PHTF2: variants seen among roughly 807,000 people sequenced by gnomAD.
PHTF2 encodes protein PHTF2.
In PHTF2, 60 loss-of-function variants were observed where a neutral mutation model predicts 101.2. That is an observed-to-expected ratio of 0.59 (90% CI 0.48 to 0.73). The LOEUF (loss-of-function observed/expected upper bound fraction) is 0.73. Ranked by LOEUF, PHTF2 falls within the 30% of genes least tolerant of loss-of-function variation. PHTF2 has a pLI of 0.00. For missense variants in PHTF2, 747 were observed against 908.7 expected (o/e 0.82, Z 2.29); for synonymous variants, 311 against 307.3 (o/e 1.01, Z -0.13).
chr7:77,849,694 T>C (rs908464208), intron 2 of PHTF2, among the ~76,000 whole-genome samples: 1 of 152,214 alleles, frequency 6.6e-6, no homozygotes, highest in African/African-American at 2.4e-5. Flanking sequence ...CATCAGTGTT[T>C]TGTAGTTTTC....
At chr7:77,932,553 A>T (rs1303176690) in intron 12 of PHTF2, among the ~76,000 whole-genome samples, 2 of 150,106 alleles carry the variant, frequency 1.3e-5, no homozygotes, top group Non-Finnish European at 3.0e-5. Context: ...AGAATGGAGA[A>T]AGGGGACAGA....
chr7:77,887,071 G>A (rs900285077), intron 3 of PHTF2, among the ~76,000 whole-genome samples: 1 of 150,758 alleles, frequency 6.6e-6, no homozygotes, highest in African/African-American at 2.4e-5. Flanking sequence ...AAGTGATACA[G>A]TAACAATGAA....
rs180735127 is a variant in PHTF2, at chr7:77,905,131, C to T, written c.445+3211C>T. The stretch of plus-strand genomic sequence containing the variant: ...CTGGTCTAAACCAAGGGATAGGGAG[C>T]GGAGACTGTGTCTTGTCTTTTTTTC... On this transcript the variant is annotated intron_variant, in intron 7 of 19. Coordinates refer to ENST00000416283, the Ensembl canonical transcript of PHTF2. Among the ~76,000 whole-genome samples, 258 of 152,256 alleles carry T rather than the reference C, an allele frequency of 1.7e-3. 2 individuals carry two copies. Among genetic ancestry groups the T allele is most frequent in the African/African-American group, 5.8e-3 (239 of 41,560 alleles).
At position 77,854,708 on chromosome 7, in the gene PHTF2, T is replaced by C. The variant is rs368355451; in HGVS notation, c.46-25T>C. ...AGCCACAAGACAAAGTTTTTTGCAC[T>C]CTTCTTTCTCCTTTGCTCATGTAGG... is the stretch of plus-strand genomic sequence containing the variant. On this transcript the variant is annotated intron_variant, in intron 2 of 19. Transcript: ENST00000416283. 7.5e-5 allele frequency: 53 copies of C among 703,802 alleles called. No homozygotes were observed. The African/African-American group carries it at 8.7e-4, about 12-fold the overall frequency. The allele number at this position is 703,802 out of a possible 1,614,324, so 43.6% of individuals were successfully genotyped here.
intron 16 of PHTF2, among the ~76,000 whole-genome samples, chr7:77,945,575 T>C (rs551084044): frequency 7.4e-4 from 113 of 152,288 alleles, no homozygotes; most frequent in African/African-American, 2.6e-3. Context: ...AAAAAAATCT[T>C]ATATATTTGG....
chr7:77,937,893 A>G (rs1805287931), intron 13 of PHTF2, 55 bp downstream of exon 12: 3 of 886,712 alleles, frequency 3.4e-6, no homozygotes, highest in Non-Finnish European at 4.8e-6. Flanking sequence ...GTAATTATAT[A>G]TAAGATAATT....
intron 5 of PHTF2, among the ~76,000 whole-genome samples, chr7:77,898,593 G>A (rs1801088328): frequency 6.6e-6 from 1 of 152,102 alleles, no homozygotes; most frequent in Non-Finnish European, 1.5e-5. Flanking sequence ...CTCATTATTT[G>A]GGGTAGCTAT....
At chr7:77,861,870 C>T (rs758522135) in intron 3 of PHTF2, among the ~76,000 whole-genome samples, 1 of 152,128 alleles carries the variant, frequency 6.6e-6, no homozygotes, top group Non-Finnish European at 1.5e-5. Flanking sequence ...CCAGCCTGAC[C>T]AACATGGAGA....
intron 12 of PHTF2, among the ~76,000 whole-genome samples, chr7:77,935,669 A>G (rs555393855): frequency 1.3e-4 from 20 of 152,322 alleles, no homozygotes; most frequent in African/African-American, 4.6e-4. Context: ...TGGGAGGACA[A>G]TGAGAATGTC....
intron 1 of PHTF2, among the ~76,000 whole-genome samples, chr7:77,823,417 C>T (rs915300240): frequency 6.6e-6 from 1 of 152,012 alleles, no homozygotes; most frequent in African/African-American, 2.4e-5. Flanking sequence ...GATAGGGTTT[C>T]ACCATGTTGG....
chr7:77,865,651 TTA>T (rs1487497430), intron 3 of PHTF2, among the ~76,000 whole-genome samples: 36 of 152,360 alleles, frequency 2.4e-4, no homozygotes, highest in African/African-American at 8.2e-4. Flanking sequence ...GTAAGAATCA[TTA>T]TCTTTATATC....
At chr7:77,938,664 C>T (rs981896391) in intron 13 of PHTF2, among the ~76,000 whole-genome samples, 3 of 152,152 alleles carry the variant, frequency 2.0e-5, no homozygotes, top group Non-Finnish European at 4.4e-5. Context: ...GTAGTCCCAG[C>T]TACTCGGGAG....
rs530127357 is a variant in PHTF2 at position 77,940,668 on chromosome 7, G to T, written c.1872+9G>T. 4 of 1,578,702 alleles carry T rather than the reference G, an allele frequency of 2.5e-6. No homozygotes were observed. Among genetic ancestry groups the T allele is most frequent in the Non-Finnish European group, 3.5e-6 (4 of 1,159,078 alleles). ...TCCGTTCCTATCTTAAGGTAGAATG[G>T]GAGTGATAAAAGTAGCTTTAACATG... is the stretch of plus-strand genomic sequence containing the variant. On this transcript the variant is annotated intron_variant, in intron 15 of 19. Coordinates refer to ENST00000416283, the Ensembl canonical transcript of PHTF2.
At position 77,937,691 on chromosome 7, in the gene PHTF2, A is replaced by ATTTTT; in HGVS notation, c.1339-9_1339-5dup. 1 of 895,432 alleles carries ATTTTT rather than the reference A, an allele frequency of 1.1e-6. No homozygotes were observed. The highest frequency in any genetic ancestry group is 1.5e-6 in the Non-Finnish European group (1 of 653,346). The allele number at this position is 895,432 out of a possible 1,614,324, so 55.5% of individuals were successfully genotyped here. A position where few individuals can be genotyped will look rare whatever the true frequency, so the allele number is the denominator to read the frequency against. ...TTAAATGTGATCTATATATTTACTA[A>ATTTTT]TTTTTTTTTTTTTTATAGAGTCATT... is the stretch of plus-strand genomic sequence containing the variant. On this transcript the variant is annotated intron_variant, in intron 12 of 19. Transcript: ENST00000416283.
Position 77,957,001 on chromosome 7 carries a change from A to C in PHTF2, c.*2123A>C, listed in dbSNP as rs530983504. The C allele has an allele frequency of 5.3e-5, 8 of 152,366 alleles. No homozygotes were observed. The East Asian group carries it at 1.5e-3, about 29-fold the overall frequency. The allele number at this position is 152,366 out of a possible 1,614,324, so 9.4% of individuals were successfully genotyped here. A position where few individuals can be genotyped will look rare whatever the true frequency, so the allele number is the denominator to read the frequency against. On this transcript the variant is annotated 3_prime_UTR_variant, in exon 20 of 20. Transcript: ENST00000416283. ...GGAAAATGTCATGTTAAGCAATTTC[A>C]GAACATTAACTGAACTATTTTCAAA...
chr7:77,875,419 G>A (rs58767353), intron 3 of PHTF2, among the ~76,000 whole-genome samples: 15,235 of 151,960 alleles, frequency 0.1, 1,599 homozygotes, highest in African/African-American at 0.27. Flanking sequence ...GAATAACTCT[G>A]TCTATTTCCA....
intron 17 of PHTF2, 146 bp from the exon 17 acceptor site, chr7:77,951,471 A>G: frequency 2.7e-6 from 1 of 368,354 alleles, no homozygotes; most frequent in African/African-American, 2.1e-5. Context: ...TTATAAAATA[A>G]GTATAGGAAA....
intron 1 of PHTF2, among the ~76,000 whole-genome samples, chr7:77,819,793 A>C (rs139071331): frequency 1.2e-4 from 18 of 152,306 alleles, no homozygotes; most frequent in African/African-American, 4.3e-4. Flanking sequence ...TTTTGGAATA[A>C]TTTGAGAAAA....
chr7:77,936,021 A>T (rs1805090270), intron 12 of PHTF2, among the ~76,000 whole-genome samples: 1 of 152,228 alleles, frequency 6.6e-6, no homozygotes, highest in South Asian at 2.1e-4. Flanking sequence ...GTAGTTAATA[A>T]CTAGTATCTT....
Sources: allele counts gnomAD v4.1 joint callset (sites outside exome capture counted in the v4.1 genomes callset), GRCh38; gene constraint gnomAD v4.1.1; transcripts MANE v1.5; gene names NCBI Gene and HGNC (gene_info 2026-07-23, HGNC 2026-07-21).